The following ESR2 variants were observed in gnomAD, a reference collection of about 807,000 sequenced individuals.
ESR2 encodes the protein estrogen receptor beta.
Under a neutral mutation model 49.6 loss-of-function variants are expected in ESR2, and 36 were observed. The ratio of observed to expected loss-of-function variants is 0.73; its 90% CI spans 0.56 to 0.96. The LOEUF is 0.96. ESR2 is among the 40% of genes least tolerant of loss of function. The pLI, the probability that ESR2 is intolerant of heterozygous loss-of-function variation, is 0.00. For synonymous variants in ESR2, 320 were observed against 266.1 expected (o/e 1.20, Z -1.97); for missense variants, 714 against 693.0 (o/e 1.03, Z -0.34).
chr14:64,257,384 G>C lies in ESR2; in HGVS notation c.953-20C>G, dbSNP rs759759855. 1 of 1,612,146 alleles carries C rather than the reference G, an allele frequency of 6.2e-7. No homozygotes were observed. The highest frequency in any genetic ancestry group is 1.7e-5 in the Admixed American group (1 of 60,022). On this transcript the variant is annotated intron_variant, in intron 5 of 8. Transcript: ENST00000341099. ...CAAAGCCTGGGGAAAGCAAGAGGCG[G>C]TGAGACACCCCCACCCCTCCTCCTC...
At chr14:64,269,050 A>T in intron 3 of ESR2, 139 bp from the exon 4 acceptor site, 2 of 583,810 alleles carry the variant, frequency 3.4e-6, no homozygotes, top group Non-Finnish European at 6.1e-6. Flanking sequence ...GTACAAAGCC[A>T]AAGTCAAGCT....
At chr14:64,302,634 C>T (rs890830156) in intron 1 of ESR2, among the ~76,000 whole-genome samples, 11 of 152,110 alleles carry the variant, frequency 7.2e-5, no homozygotes, top group African/African-American at 2.7e-4. Flanking sequence ...GGAAACATTG[C>T]TTTAAGCATT....
At chr14:64,305,160 G>C (rs531117273) in intron 1 of ESR2, among the ~76,000 whole-genome samples, 5 of 150,762 alleles carry the variant, frequency 3.3e-5, no homozygotes, top group South Asian at 2.1e-4. Flanking sequence ...GCGTGGTGGC[G>C]GGCGCCTGTA....
At chr14:64,321,897 TG>T (rs2077328366) in intron 1 of ESR2, among the ~76,000 whole-genome samples, 1 of 151,990 alleles carries the variant, frequency 6.6e-6, no homozygotes, top group Non-Finnish European at 1.5e-5. Flanking sequence ...CAATAGACAC[TG>T]GGGACTACCA....
intron 1 of ESR2, among the ~76,000 whole-genome samples, chr14:64,309,202 GC>G (rs2077152609): frequency 6.6e-6 from 1 of 152,076 alleles, no homozygotes; most frequent in East Asian, 1.9e-4. Flanking sequence ...CAAAAGGAGA[GC>G]CCCTGTAACT....
At chr14:64,263,621 C>A (rs1039306632) in intron 4 of ESR2, among the ~76,000 whole-genome samples, 2 of 151,946 alleles carry the variant, frequency 1.3e-5, no homozygotes, top group Non-Finnish European at 2.9e-5. Context: ...TGCACTCCAG[C>A]CTGGGTGACA....
At chr14:64,237,401 C>T (rs567168263) in intron 7 of ESR2, among the ~76,000 whole-genome samples, 1 of 152,274 alleles carries the variant, frequency 6.6e-6, no homozygotes, top group Admixed American at 6.5e-5. Context: ...AAATTAACCC[C>T]ATCTGCATAA....
chr14:64,298,774 T>TA (rs1221697718), upstream of ESR2, among the ~76,000 whole-genome samples: 2 of 152,148 alleles, frequency 1.3e-5, no homozygotes, highest in East Asian at 1.9e-4. Context: ...AACAAACAGG[T>TA]AAAAAATAAC....
downstream of ESR2, chr14:64,227,403 A>G: frequency 9.5e-7 from 1 of 1,056,124 alleles, no homozygotes; most frequent in South Asian, 1.6e-5. Context: ...TTAACCACAT[A>G]ACTAACTTCA....
intron 7 of ESR2, among the ~76,000 whole-genome samples, chr14:64,237,053 C>T (rs555009571): frequency 1.3e-5 from 2 of 152,102 alleles, no homozygotes; most frequent in South Asian, 2.1e-4. Context: ...CTCCGCCTCC[C>T]GGTTTCAAGC....
At chr14:64,285,697 G>A (rs1179784522) in intron 1 of ESR2, among the ~76,000 whole-genome samples, 2 of 151,864 alleles carry the variant, frequency 1.3e-5, no homozygotes, top group African/African-American at 4.8e-5. Context: ...GCGTGGTGGT[G>A]CATGCCTGTA....
rs7152914 is a variant in ESR2, at chr14:64,253,471, G to A, written c.1091+3755C>T. 8.7e-3 allele frequency among the ~76,000 whole-genome samples: 1,323 copies of A among 152,206 alleles called. 17 individuals carry two copies. The highest frequency in any genetic ancestry group is 0.03 in the African/African-American group (1,245 of 41,518). On this transcript the variant is annotated intron_variant, in intron 6 of 8. Coordinates refer to ENST00000341099, the MANE Select transcript of ESR2 (RefSeq NM_001437.3). ...CTCCCCAAGTGCTGGGATTACAGGC[G>A]TGAGCCACCGTGCCTGGCCTAAAGA...
intron 7 of ESR2, among the ~76,000 whole-genome samples, chr14:64,247,392 C>G (rs541652609): frequency 4.5e-4 from 68 of 152,194 alleles, no homozygotes; most frequent in Non-Finnish European, 7.9e-4. Flanking sequence ...AGAGAAGACA[C>G]GTATGAAGGT....
chr14:64,247,859 A>G (rs1277754335), intron 7 of ESR2, among the ~76,000 whole-genome samples: 1 of 152,218 alleles, frequency 6.6e-6, no homozygotes, highest in Non-Finnish European at 1.5e-5. Flanking sequence ...GAGGAACTGG[A>G]TATTTAATAA....
Position 64,233,011 on chromosome 14 carries a change from T to C in ESR2, c.*126A>G. ...GGAAGGTGGAGGGAAGGATGGTACATGACCAAGCCTGCCATCACCAAATGA... is the reference window on the plus strand; with the variant it reads ...GGAAGGTGGAGGGAAGGATGGTACACGACCAAGCCTGCCATCACCAAATGA... On this transcript the variant is annotated 3_prime_UTR_variant, in exon 9 of 9. Transcript: ENST00000341099. The C allele has an allele frequency of 8.9e-6, 13 of 1,457,834 alleles. No individual in the cohort carries two copies. The highest frequency in any genetic ancestry group is 1.1e-5 in the Non-Finnish European group (12 of 1,105,390). The allele number at this position is 1,457,834 out of a possible 1,614,324, so 90.3% of individuals were successfully genotyped here.
chr14:64,253,560 TTGTG>T (rs752711685), intron 6 of ESR2, among the ~76,000 whole-genome samples: 13,831 of 136,584 alleles, frequency 0.1, 722 homozygotes, highest in Non-Finnish European at 0.11. Flanking sequence ...GGTACACTAT[TTGTG>T]TGTGTGTGTG....
rs546545619 is a variant in ESR2, at chr14:64,278,990, A to G, written c.535+991T>C. Reference sequence around the variant, plus strand: ...TTAAGACCCCTAAGAAATATTTACAATCTATTCTCTCTGAAGCCTGCTACC... The same window carrying G: ...TTAAGACCCCTAAGAAATATTTACAGTCTATTCTCTCTGAAGCCTGCTACC... On this transcript the variant is annotated intron_variant, in intron 3 of 8. Transcript: ENST00000341099. Among the ~76,000 whole-genome samples, 24 of 152,278 alleles carry G rather than the reference A, an allele frequency of 1.6e-4. 1 individual carries two copies. The South Asian group carries it at 5.0e-3, about 32-fold the overall frequency.
At chr14:64,293,469 T>G (rs75655276) in intron 1 of ESR2, among the ~76,000 whole-genome samples, 17 of 152,186 alleles carry the variant, frequency 1.1e-4, no homozygotes, top group Non-Finnish European at 2.4e-4. Flanking sequence ...AAAATGACAT[T>G]CACTTGACTT....
At chr14:64,278,712 A>G (rs985647703) in intron 3 of ESR2, among the ~76,000 whole-genome samples, 1 of 152,106 alleles carries the variant, frequency 6.6e-6, no homozygotes, top group Admixed American at 6.6e-5. Context: ...GGTACGAGAG[A>G]AGGAGTGTAG....
Sources: gnomAD v4.1 joint callset for allele counts (sites outside exome capture counted in the v4.1 genomes callset) on GRCh38, gnomAD v4.1.1 for gene constraint, MANE v1.5 for transcripts, NCBI Gene and HGNC (gene_info 2026-07-23, HGNC 2026-07-21) for gene names.